Variants in PARVA observed in about 807,000 individuals in gnomAD.
The protein encoded by PARVA is parvin alpha.
PARVA carries 25 observed loss-of-function variants against 52.6 expected under a neutral mutation model. The observed-to-expected ratio is 0.48, with a 90% CI of 0.35 to 0.66. The LOEUF is 0.66. PARVA is among the 30% of genes least tolerant of loss of function. The pLI, the probability that PARVA is intolerant of heterozygous loss-of-function variation, is 0.01. For synonymous variants in PARVA, 185 were observed against 179.1 expected (o/e 1.03, Z -0.26); for missense variants, 373 against 450.9 (o/e 0.83, Z 1.56).
chr11:12,529,852 T>C lies in PARVA; in HGVS notation c.*1927T>C, dbSNP rs1332372589. 1 of 152,174 alleles carries C rather than the reference T, an allele frequency of 6.6e-6. No homozygotes were observed. The highest frequency in any genetic ancestry group is 1.5e-5 in the Non-Finnish European group (1 of 68,026). The allele number at this position is 152,174 out of a possible 1,614,324, so 9.4% of individuals were successfully genotyped here. ...GTTGATCTATGTAAAAGAATACAAT[T>C]CTTTTTTACATAATTAGTGAAATTT... On this transcript the variant is annotated 3_prime_UTR_variant, in exon 13 of 13. Coordinates refer to ENST00000334956, the MANE Select transcript of PARVA (RefSeq NM_018222.5).
chr11:12,388,443 A>G (rs561797790), intron 1 of PARVA, among the ~76,000 whole-genome samples: 4 of 152,270 alleles, frequency 2.6e-5, no homozygotes, highest in Non-Finnish European at 5.9e-5. Flanking sequence ...TGGAAGAGGC[A>G]GTGAACTTTT....
upstream of PARVA, chr11:12,377,465 G>T: frequency 9.2e-6 from 13 of 1,406,022 alleles, no homozygotes; most frequent in Non-Finnish European, 1.1e-5. Flanking sequence ...GGCAGAGGGC[G>T]GCGCGAGGGA....
At chr11:12,514,651 C>T (rs1249938340) in intron 10 of PARVA, among the ~76,000 whole-genome samples, 1 of 152,162 alleles carries the variant, frequency 6.6e-6, no homozygotes, top group Non-Finnish European at 1.5e-5. Context: ...CCAAGCCCGG[C>T]TAATTTTTTG....
intron 1 of PARVA, among the ~76,000 whole-genome samples, chr11:12,378,574 CTTTTT>C (rs373881363): frequency 8.7e-6 from 1 of 114,898 alleles, no homozygotes. Flanking sequence ...CGACCTTATT[CTTTTT>C]TTTTTTTTTT....
intron 4 of PARVA, among the ~76,000 whole-genome samples, chr11:12,492,422 A>C (rs1233052693): frequency 6.6e-6 from 1 of 152,206 alleles, no homozygotes; most frequent in Admixed American, 6.5e-5. Context: ...TCCTGGAAGA[A>C]TAAAACTTCA....
At chr11:12,519,255 G>A (rs1323371229) in intron 12 of PARVA, among the ~76,000 whole-genome samples, 1 of 152,142 alleles carries the variant, frequency 6.6e-6, no homozygotes, top group African/African-American at 2.4e-5. Flanking sequence ...CACTTTTCTG[G>A]TAGTTTATAG....
intron 3 of PARVA, among the ~76,000 whole-genome samples, chr11:12,474,368 T>C (rs1940976822): frequency 6.6e-6 from 1 of 152,070 alleles, no homozygotes; most frequent in Non-Finnish European, 1.5e-5. Flanking sequence ...CCAGATGCTT[T>C]GTTTATGGTC....
chr11:12,525,113 C>T (rs1267884472), intron 12 of PARVA, among the ~76,000 whole-genome samples: 1 of 152,150 alleles, frequency 6.6e-6, no homozygotes, highest in African/African-American at 2.4e-5. Context: ...GACTGTGATA[C>T]ATAGTGAGGG....
chr11:12,501,826 G>A (rs923150641), intron 5 of PARVA, among the ~76,000 whole-genome samples: 2 of 152,154 alleles, frequency 1.3e-5, no homozygotes, highest in African/African-American at 4.8e-5. Context: ...GATGCTTATG[G>A]TATAGCTCTG....
chr11:12,457,336 G>A (rs1163901400), intron 1 of PARVA, among the ~76,000 whole-genome samples: 3 of 152,218 alleles, frequency 2.0e-5, no homozygotes, highest in African/African-American at 7.2e-5. Flanking sequence ...ATGGGTCTGT[G>A]CTGCACAGTG....
In PARVA at chr11:12,528,296, A is replaced by G. The variant is rs1222316019; in HGVS notation, c.*371A>G. The G allele has an allele frequency of 1.1e-5, 3 of 271,060 alleles. No homozygotes were observed. The highest frequency in any genetic ancestry group is 1.4e-5 in the Non-Finnish European group (2 of 139,062). The allele number at this position is 271,060 out of a possible 1,614,324, so 16.8% of individuals were successfully genotyped here. On this transcript the variant is annotated 3_prime_UTR_variant, in exon 13 of 13. Coordinates refer to ENST00000334956, the MANE Select transcript of PARVA (RefSeq NM_018222.5). ...ATGCTAACTGTGTGTCAGGCCCCAC[A>G]CTAAGTGCTCTGCTCTGATATACTC...
chr11:12,487,578 C>T (rs542826185), intron 4 of PARVA, among the ~76,000 whole-genome samples: 5 of 152,126 alleles, frequency 3.3e-5, no homozygotes, highest in Non-Finnish European at 5.9e-5. Flanking sequence ...AAAAAATGAA[C>T]ATTGCCATCA....
intron 5 of PARVA, among the ~76,000 whole-genome samples, chr11:12,502,073 C>A (rs540345201): frequency 6.6e-6 from 1 of 152,268 alleles, no homozygotes; most frequent in Admixed American, 6.5e-5. Context: ...TGGGTCAGTG[C>A]CACATCAGGA....
chr11:12,525,540 C>A (rs1941689318), intron 12 of PARVA, among the ~76,000 whole-genome samples: 1 of 152,102 alleles, frequency 6.6e-6, no homozygotes, highest in East Asian at 1.9e-4. Context: ...CCTGGAGTAA[C>A]TTCCTGGTAT....
intron 1 of PARVA, among the ~76,000 whole-genome samples, chr11:12,424,569 C>G (rs1412308965): frequency 1.3e-5 from 2 of 152,176 alleles, no homozygotes; most frequent in Admixed American, 1.3e-4. Flanking sequence ...AATAGTCATC[C>G]ATAACTAGTT....
At chr11:12,378,444 A>G (rs1204260673) in intron 1 of PARVA, among the ~76,000 whole-genome samples, 1 of 151,748 alleles carries the variant, frequency 6.6e-6, no homozygotes, top group Non-Finnish European at 1.5e-5. Context: ...TACACAATAA[A>G]CTCCCACCAA....
chr11:12,502,172 A>G (rs1267362831), intron 5 of PARVA, among the ~76,000 whole-genome samples: 1 of 152,228 alleles, frequency 6.6e-6, no homozygotes, highest in Non-Finnish European at 1.5e-5. Flanking sequence ...CTAGGAGTTC[A>G]GAGCAGTTCA....
At chr11:12,462,573 C>T (rs1940798398) in intron 1 of PARVA, among the ~76,000 whole-genome samples, 1 of 152,212 alleles carries the variant, frequency 6.6e-6, no homozygotes, top group Non-Finnish European at 1.5e-5. Context: ...TTCTAACTTA[C>T]AGGTCTGCAA....
intron 4 of PARVA, among the ~76,000 whole-genome samples, chr11:12,495,231 T>G (rs1941284178): frequency 6.6e-6 from 1 of 152,318 alleles, no homozygotes; most frequent in Admixed American, 6.5e-5. Context: ...CAGGTAAGAA[T>G]AGCTTGAGAT....
Sources: allele counts gnomAD v4.1 joint callset (sites outside exome capture counted in the v4.1 genomes callset), GRCh38; gene constraint gnomAD v4.1.1; transcripts MANE v1.5; gene names NCBI Gene and HGNC (gene_info 2026-07-23, HGNC 2026-07-21).